Variants in ST3GAL1 observed in about 807,000 individuals in gnomAD.
ST3GAL1 encodes the protein ST3 beta-galactoside alpha-2,3-sialyltransferase 1, also known as CMP-N-acetylneuraminate-beta-galactosamide-alpha-2,3-sialyltransferase 1.
In ST3GAL1, 16 loss-of-function variants were observed where a neutral mutation model predicts 34.1. The observed-to-expected ratio is 0.47, with a 90% CI of 0.32 to 0.71. ST3GAL1 has a LOEUF of 0.71. Among genes scored for constraint, ST3GAL1 ranks in the 30% least tolerant of loss-of-function variants. The pLI is 0.04. For missense variants in ST3GAL1, 353 were observed against 447.4 expected (o/e 0.79, Z 1.90); for synonymous variants, 191 against 184.7 (o/e 1.03, Z -0.28).
chr8:133,536,759 C>A (rs773296612), intron 2 of ST3GAL1, among the ~76,000 whole-genome samples: 1 of 152,158 alleles, frequency 6.6e-6, no homozygotes, highest in Non-Finnish European at 1.5e-5. Flanking sequence ...TTTGAGTCCT[C>A]GTGTCATTTG....
intron 8 of ST3GAL1, among the ~76,000 whole-genome samples, chr8:133,462,707 C>A (rs1209666122): frequency 1.3e-5 from 2 of 152,182 alleles, no homozygotes; most frequent in African/African-American, 4.8e-5. Context: ...CCATTCACCT[C>A]TCAGTGTGGC....
chr8:133,561,373 TG>T (rs1819216616), intron 1 of ST3GAL1, among the ~76,000 whole-genome samples: 1 of 152,118 alleles, frequency 6.6e-6, no homozygotes, highest in Non-Finnish European at 1.5e-5. Context: ...GAGGTTCCAC[TG>T]AGACACACAT....
At chr8:133,551,568 AAGAAAGAAAGAAAG>A (rs1818852978) in intron 1 of ST3GAL1, among the ~76,000 whole-genome samples, 5 of 148,292 alleles carry the variant, frequency 3.4e-5, no homozygotes, top group Admixed American at 1.4e-4. Context: ...GAAAGAAAGA[AAGAAAGAAAGAAAG>A]AAAGAAAGAA....
At chr8:133,514,489 G>A (rs1167765358) in intron 2 of ST3GAL1, among the ~76,000 whole-genome samples, 1 of 152,114 alleles carries the variant, frequency 6.6e-6, no homozygotes, top group Non-Finnish European at 1.5e-5. Context: ...GGCTGGGGTT[G>A]CCCTGCTCCC....
chr8:133,555,896 T>G (rs1819000701), intron 1 of ST3GAL1, among the ~76,000 whole-genome samples: 1 of 152,098 alleles, frequency 6.6e-6, no homozygotes, highest in Admixed American at 6.6e-5. Flanking sequence ...TGTTTTGTTT[T>G]GCTTTGTTTT....
chr8:133,510,157 C>T (rs887864815), intron 2 of ST3GAL1, among the ~76,000 whole-genome samples: 2 of 152,078 alleles, frequency 1.3e-5, no homozygotes, highest in African/African-American at 4.8e-5. Flanking sequence ...GCATCACACA[C>T]CTGTTTTCAG....
chr8:133,481,096 C>G (rs954715753), intron 3 of ST3GAL1, among the ~76,000 whole-genome samples: 1 of 152,180 alleles, frequency 6.6e-6, no homozygotes, highest in South Asian at 2.1e-4. Flanking sequence ...TCTATTTTCT[C>G]GGTTGCTCTT....
chr8:133,551,605 A>G (rs928914102), intron 1 of ST3GAL1, among the ~76,000 whole-genome samples: 2 of 144,692 alleles, frequency 1.4e-5, no homozygotes, highest in Admixed American at 6.9e-5. Flanking sequence ...AAAGAAAGAA[A>G]GAAAGAAAGA....
intron 2 of ST3GAL1, among the ~76,000 whole-genome samples, chr8:133,525,736 C>T (rs1192308795): frequency 2.6e-5 from 4 of 152,186 alleles, no homozygotes; most frequent in Non-Finnish European, 2.9e-5. Flanking sequence ...ATGTCAACAC[C>T]ACCCAGAGTA....
intron 2 of ST3GAL1, among the ~76,000 whole-genome samples, chr8:133,526,130 C>T (rs1586641784): frequency 1.3e-5 from 2 of 152,332 alleles, no homozygotes; most frequent in African/African-American, 4.8e-5. Flanking sequence ...TCTTTCAGCT[C>T]ACAAAGGTAG....
At chr8:133,498,378 T>C (rs1172727981) in intron 3 of ST3GAL1, among the ~76,000 whole-genome samples, 2 of 152,232 alleles carry the variant, frequency 1.3e-5, no homozygotes, top group Non-Finnish European at 2.9e-5. Flanking sequence ...TTTCTGGGCC[T>C]CAGTGTCCTT....
Position 133,467,980 on chromosome 8 carries a change from C to T in ST3GAL1, c.307-1890G>A, listed in dbSNP as rs985894359. Among the ~76,000 whole-genome samples the T allele has an allele frequency of 2.6e-5, 4 of 152,132 alleles. No individual in the cohort carries two copies. Among genetic ancestry groups the T allele is most frequent in the African/African-American group, 4.8e-5 (2 of 41,416 alleles). On this transcript the variant is annotated intron_variant, in intron 5 of 9. Coordinates refer to ENST00000522652, the MANE Select transcript of ST3GAL1 (RefSeq NM_173344.3). This position sits in a 1 kb window ranked among gnomAD's most constrained non-coding sequence, Gnocchi z 4.2. ...AGTAAAAGGGCAAAACAACAGGTAT[C>T]GGTGAGGATGTGGAGAAAATGGAAC...
rs1238978392 is a variant in ST3GAL1, at chr8:133,556,713, C to T, written c.-581-10787G>A. On this transcript the variant is annotated intron_variant, in intron 1 of 9. Coordinates refer to ENST00000522652, the MANE Select transcript of ST3GAL1 (RefSeq NM_173344.3). The surrounding 1 kb of genome is among the most constrained non-coding windows in gnomAD (Gnocchi z 8.9). Reference sequence around the variant, plus strand: ...CTATTAGCCATGGAAACCTTGCACCCAAGGACACGGCTGACATCATATAAA... The same window carrying T: ...CTATTAGCCATGGAAACCTTGCACCTAAGGACACGGCTGACATCATATAAA... Among the ~76,000 whole-genome samples, 1 of 152,178 alleles carries T rather than the reference C, an allele frequency of 6.6e-6. No homozygotes were observed. The highest frequency in any genetic ancestry group is 1.5e-5 in the Non-Finnish European group (1 of 68,046).
intron 2 of ST3GAL1, among the ~76,000 whole-genome samples, chr8:133,534,354 T>TTATAA (rs537549902): frequency 2.1e-4 from 31 of 151,132 alleles, no homozygotes; most frequent in African/African-American, 7.0e-4. Context: ...ATATTATATG[T>TTATAA]TATAATATAT....
intron 3 of ST3GAL1, among the ~76,000 whole-genome samples, chr8:133,497,163 A>T (rs1816977598): frequency 6.6e-6 from 1 of 152,364 alleles, no homozygotes; most frequent in African/African-American, 2.4e-5. Context: ...CCCTGAGCTC[A>T]GCACAAGGTC....
intron 1 of ST3GAL1, among the ~76,000 whole-genome samples, chr8:133,569,536 G>C (rs984227462): frequency 1.3e-5 from 2 of 152,208 alleles, no homozygotes; most frequent in African/African-American, 4.8e-5. Context: ...ACCAAAGAGA[G>C]ACAGAGACAG....
intron 3 of ST3GAL1, among the ~76,000 whole-genome samples, chr8:133,485,100 A>G (rs1816536248): frequency 6.6e-6 from 1 of 152,196 alleles, no homozygotes; most frequent in Admixed American, 6.5e-5. Context: ...TGCTGCCAGC[A>G]GGGGTTCCTA....
intron 2 of ST3GAL1, among the ~76,000 whole-genome samples, chr8:133,517,051 C>G (rs1216471556): frequency 6.6e-6 from 1 of 152,262 alleles, no homozygotes; most frequent in Non-Finnish European, 1.5e-5. Context: ...GGCATAAGAG[C>G]TGTTTTCCTG....
rs1344846056 is a variant in ST3GAL1, at chr8:133,458,639, A to G, written c.*1125T>C. 1.3e-5 allele frequency: 2 copies of G among 152,212 alleles called. No homozygotes were observed. The highest frequency in any genetic ancestry group is 2.4e-5 in the African/African-American group (1 of 41,442). The allele number at this position is 152,212 out of a possible 1,614,324, so 9.4% of individuals were successfully genotyped here. On this transcript the variant is annotated 3_prime_UTR_variant, in exon 10 of 10. Coordinates refer to ENST00000522652, the MANE Select transcript of ST3GAL1 (RefSeq NM_173344.3). ...CAGGTGCTGGCTCAGGAAACCAGAA[A>G]AGATGTTCCCAGCTACGGAGCAAGC... is the stretch of plus-strand genomic sequence containing the variant.
Sources: gnomAD v4.1 joint callset for allele counts (sites outside exome capture counted in the v4.1 genomes callset) on GRCh38, gnomAD v4.1.1 for gene constraint, Gnocchi (gnomAD v3.1) non-coding constraint, MANE v1.5 for transcripts, NCBI Gene and HGNC (gene_info 2026-07-23, HGNC 2026-07-21) for gene names.